TRIM46: variants seen among roughly 807,000 people sequenced by gnomAD.
TRIM46 encodes tripartite motif-containing protein 46.
In TRIM46, 17 loss-of-function variants were observed where a neutral mutation model predicts 69.7. The observed-to-expected ratio is 0.24, with a 90% confidence interval of 0.17 to 0.37. The LOEUF (loss-of-function observed/expected upper bound fraction) is 0.37. TRIM46 is among the 10% of genes least tolerant of loss of function. The probability of loss-of-function intolerance (pLI) is 1.00; values close to 1 mark genes in which losing one functional copy is unlikely to be tolerated. For missense variants in TRIM46, 675 were observed against 1,025.1 expected, an observed-to-expected ratio of 0.66 and a Z score of 4.66; for synonymous variants, 391 against 429.0, an observed-to-expected ratio of 0.91 and a Z score of 1.09.
At chr1:155,177,962 T>C (rs367546378) in intron 5 of TRIM46, 40 bp from the exon 6 acceptor site, 149 of 1,597,458 alleles carry the variant, frequency 9.3e-5, no homozygotes, top group South Asian at 1.7e-4. Flanking sequence ...AAAAAGAAGA[T>C]AGTAAGTCAC....
intron 1 of TRIM46, chr1:155,174,366 G>C (rs1217747343): frequency 9.1e-6 from 3 of 330,046 alleles, no homozygotes; most frequent in Non-Finnish European, 1.3e-5. Flanking sequence ...TGTGAGCTTG[G>C]ATATTTTCCA....
At chr1:155,183,199 T>G (rs541466801) in intron 9 of TRIM46, among the ~76,000 whole-genome samples, 1 of 151,874 alleles carries the variant, frequency 6.6e-6, no homozygotes, top group Non-Finnish European at 1.5e-5. Context: ...CGTGAGCCAC[T>G]GTGCCTGGCC....
intron 1 of TRIM46, chr1:155,174,577 T>C: frequency 6.6e-7 from 1 of 1,514,282 alleles, no homozygotes. Flanking sequence ...CCCCCCCTCC[T>C]TGTTCCTCCC....
chr1:155,180,962 C>T (rs974349836), intron 8 of TRIM46, among the ~76,000 whole-genome samples: 1 of 144,948 alleles, frequency 6.9e-6, no homozygotes, highest in Non-Finnish European at 1.5e-5. Context: ...TGGCTGGGCA[C>T]AGTGGCTCAC....
chr1:155,182,252 A>C, intron 9 of TRIM46, 103 bp downstream of exon 9: 7 of 476,606 alleles, frequency 1.5e-5, no homozygotes, highest in Non-Finnish European at 2.7e-5. Context: ...TGGGGCTGGG[A>C]GGGGATTAGG....
At chr1:155,176,850 G>C (rs995107583) in intron 3 of TRIM46, 82 bp from the exon 4 acceptor site, 2 of 1,538,360 alleles carry the variant, frequency 1.3e-6, no homozygotes, top group Admixed American at 1.7e-5. Context: ...CAGTGGAGGA[G>C]GGCACCAAAC....
At position 155,178,526 on chromosome 1, in the gene TRIM46, C is replaced by A. The variant is rs754712280; in HGVS notation, c.1198C>A (p.Arg400=). Residue 400 remains arginine (R), a synonymous_variant, in exon 7 of 10, where the codon CGG becomes AGG. Coordinates refer to ENST00000334634, the MANE Select transcript of TRIM46 (RefSeq NM_025058.5). ...AGCCACTGAAGCCCTCCAGACATTCCGGCCAGCTGCCAGCTCCTCCTTCCG... is the reference window on the plus strand; with the variant it reads ...AGCCACTGAAGCCCTCCAGACATTCAGGCCAGCTGCCAGCTCCTCCTTCCG... ...ARATEALQTF[R]PAASSSFRHC... 1 of 1,614,014 alleles carries A rather than the reference C, an allele frequency of 6.2e-7. No homozygotes were observed. Among genetic ancestry groups the A allele is most frequent in the African/African-American group, 1.3e-5 (1 of 74,944 alleles).
At chr1:155,179,048 C>A (rs1374634532) in intron 7 of TRIM46, among the ~76,000 whole-genome samples, 1 of 152,248 alleles carries the variant, frequency 6.6e-6, no homozygotes. Context: ...CCCTTCTGAC[C>A]TTTTGTCCTT....
chr1:155,182,476 A>C, intron 9 of TRIM46: 1 of 490,674 alleles, frequency 2.0e-6, no homozygotes, highest in Non-Finnish European at 3.6e-6. Flanking sequence ...CTTTCTTCCT[A>C]ACACTCCATT....
intron 8 of TRIM46, among the ~76,000 whole-genome samples, chr1:155,180,854 G>A (rs958694835): frequency 2.6e-5 from 4 of 152,060 alleles, no homozygotes; most frequent in Admixed American, 2.0e-4. Flanking sequence ...AGGTTGCGGT[G>A]AGCCGAGATC....
chr1:155,178,739 T>TTCCCCCCCCCCCCCCCCCCCCCCCCCCCC, intron 7 of TRIM46, 126 bp downstream of exon 7: 1 of 1,348,452 alleles, frequency 7.4e-7, no homozygotes. Context: ...CAGCCATTCC[T>TTCCCCCCCCCCCCCCCCCCCCCCCCCCCC]CCCACCCAGC....
In TRIM46 at chr1:155,176,018, C is replaced by A. The variant is rs755860564; in HGVS notation, c.456C>A (p.Thr152=). 6.2e-7 allele frequency: 1 copy of A among 1,614,084 alleles called. No individual in the cohort carries two copies. The highest frequency in any genetic ancestry group is 1.1e-5 in the South Asian group (1 of 91,078). The change falls in exon 3 of 10, where the codon ACC becomes ACA. Residue 152 remains threonine, a synonymous_variant. Coordinates refer to ENST00000334634, the MANE Select transcript of TRIM46 (RefSeq NM_025058.5). ...TGGCAGGGCTTTTCCGGAACCTGAC[C>A]CTGGAGCGTGTGGTGGAGCGGTACC... The part of the protein sequence containing the change: ...RGLAGLFRNL[T]LERVVERYRQ...
At chr1:155,177,742 G>C (rs1417234856) in intron 5 of TRIM46, among the ~76,000 whole-genome samples, 2 of 152,160 alleles carry the variant, frequency 1.3e-5, no homozygotes, top group Non-Finnish European at 1.5e-5. Flanking sequence ...CCATGGCCTC[G>C]TTCATTTGGA....
At chr1:155,183,036 G>A (rs1248107101) in intron 9 of TRIM46, among the ~76,000 whole-genome samples, 1 of 149,468 alleles carries the variant, frequency 6.7e-6, no homozygotes, top group Non-Finnish European at 1.5e-5. Flanking sequence ...TCAGCCTCCC[G>A]AGTAGCTGGG....
chr1:155,183,728 G>T, intron 9 of TRIM46, 69 bp from the exon 10 acceptor site: 1 of 1,570,088 alleles, frequency 6.4e-7, no homozygotes, highest in Non-Finnish European at 8.6e-7. Flanking sequence ...TCCTTCCAGC[G>T]TCTCCCTCTG....
chr1:155,184,225 C>A lies in TRIM46; in HGVS notation c.*35C>A. The A allele has an allele frequency of 6.5e-7, 1 of 1,533,234 alleles. No individual in the cohort carries two copies. The highest frequency in any genetic ancestry group is 8.7e-7 in the Non-Finnish European group (1 of 1,143,190). The allele number at this position is 1,533,234 out of a possible 1,614,324, so 95.0% of individuals were successfully genotyped here. ...GCCCCTCATGCAGACCTGGGGTCCT[C>A]CTGGGCCCTGGCCCCCAAACCTCTT... On this transcript the variant is annotated 3_prime_UTR_variant, in exon 10 of 10. Coordinates refer to ENST00000334634, the MANE Select transcript of TRIM46 (RefSeq NM_025058.5). This position sits in a 1 kb window ranked among gnomAD's most constrained non-coding sequence, Gnocchi z 5.6.
At chr1:155,174,468 C>A (rs945612513) in intron 1 of TRIM46, 1 of 1,406,352 alleles carries the variant, frequency 7.1e-7, no homozygotes, top group Non-Finnish European at 9.3e-7. Flanking sequence ...ACCCCACGCA[C>A]CCCCACTCAG....
rs1452206424 is a variant in TRIM46 at position 155,181,517 on chromosome 1, A to G, written c.1589-335A>G. ...GATTGATGGTGATGGGAATGTCACC[A>G]GGTGGAACAGAATAGTGGGAACTGT... On this transcript the variant is annotated intron_variant, in intron 8 of 9. Transcript: ENST00000334634. The surrounding 1 kb of genome is among the most constrained non-coding windows in gnomAD (Gnocchi z 4.3). Among the ~76,000 whole-genome samples the G allele has an allele frequency of 6.6e-6, 1 of 152,172 alleles. No individual in the cohort carries two copies. The highest frequency in any genetic ancestry group is 1.9e-4 in the East Asian group (1 of 5,186).
In TRIM46 at chr1:155,175,484, G is replaced by C. The variant is rs745594142; in HGVS notation, c.162G>C (p.Gln54His). 1 of 1,614,174 alleles carries C rather than the reference G, an allele frequency of 6.2e-7. No individual in the cohort carries two copies. The highest frequency in any genetic ancestry group is 1.3e-5 in the African/African-American group (1 of 75,058). ...LVLPCTHNVC[Q>H]ACAREVLGQQ... ...TGCCCTGTACCCACAACGTGTGCCA[G>C]GCCTGTGCCCGAGAGGTCTTGGGCC... Residue 54 changes from glutamine to histidine, a missense_variant, in exon 2 of 10, where the codon CAG (glutamine) becomes CAC (histidine). Physicochemically the swap from Gln to His is conservative, Grantham distance 24 (BLOSUM62 0). Around this residue, in one of 5 missense-constraint regions of TRIM46, gnomAD observed 170 missense variants for 255.6 expected, o/e 0.67. Coordinates refer to ENST00000334634, the MANE Select transcript of TRIM46 (RefSeq NM_025058.5). This position sits in a 1 kb window ranked among gnomAD's most constrained non-coding sequence, Gnocchi z 4.2.
Sources: allele counts gnomAD v4.1 joint callset (sites outside exome capture counted in the v4.1 genomes callset), GRCh38; gene constraint gnomAD v4.1.1; regional missense constraint gnomAD v4.1.1; non-coding constraint Gnocchi (gnomAD v3.1); transcripts MANE v1.5; gene names NCBI Gene and HGNC (gene_info 2026-07-23, HGNC 2026-07-21).